GRID2: variants seen among roughly 807,000 people sequenced by gnomAD.
The protein encoded by GRID2 is glutamate ionotropic receptor delta type subunit 2, also known as glutamate receptor ionotropic, delta-2.
Under a neutral mutation model 114.8 loss-of-function variants are expected in GRID2, and 33 were observed. The observed-to-expected ratio is 0.29, with a 90% CI of 0.22 to 0.38. The LOEUF (loss-of-function observed/expected upper bound fraction) is 0.38. GRID2 is among the 10% of genes least tolerant of loss of function. GRID2 has a pLI of 1.00. For synonymous variants in GRID2, 505 were observed against 449.9 expected (o/e 1.12, Z -1.55); for missense variants, 1,184 against 1,257.7 (o/e 0.94, Z 0.89).
At chr4:93,459,046 G>T (rs1268960424) in intron 11 of GRID2, among the ~76,000 whole-genome samples, 4 of 151,936 alleles carry the variant, frequency 2.6e-5, no homozygotes, top group Non-Finnish European at 5.9e-5. Context: ...CAGGCATGGT[G>T]GTGGGCGCCT....
At position 92,615,213 on chromosome 4, in the gene GRID2, T is replaced by TG. The variant is rs1158335398; in HGVS notation, c.244+24931dup. Among the ~76,000 whole-genome samples, 7 of 151,334 alleles carry TG rather than the reference T, an allele frequency of 4.6e-5. No homozygotes were observed. The East Asian group carries it at 5.9e-4, about 13-fold the overall frequency. The stretch of plus-strand genomic sequence containing the variant: ...GGTCTTTCTTTGATACATACCGAGG[T>TG]GGGGTGGGGCAGGGAGAAACACAAA... On this transcript the variant is annotated intron_variant, in intron 2 of 15. Transcript: ENST00000282020.
chr4:93,376,598 G>A (rs1308351415), intron 8 of GRID2, among the ~76,000 whole-genome samples: 4 of 152,118 alleles, frequency 2.6e-5, no homozygotes, highest in Non-Finnish European at 5.9e-5. Flanking sequence ...ATACTGACTG[G>A]TTATTTGATG....
chr4:92,975,552 G>C (rs1753818765), intron 2 of GRID2, among the ~76,000 whole-genome samples: 1 of 152,008 alleles, frequency 6.6e-6, no homozygotes, highest in African/African-American at 2.4e-5. Context: ...ATCATTACTT[G>C]AATTAAACTA....
chr4:93,245,156 C>A (rs962317662), intron 8 of GRID2, among the ~76,000 whole-genome samples: 4 of 151,966 alleles, frequency 2.6e-5, no homozygotes, highest in African/African-American at 9.7e-5. Context: ...CTTCATGAGA[C>A]AAGAACTATG....
intron 2 of GRID2, among the ~76,000 whole-genome samples, chr4:92,600,044 G>GTGTGTGTA (rs1206780169): frequency 7.3e-5 from 4 of 54,432 alleles, no homozygotes; most frequent in Admixed American, 2.6e-4. Context: ...GTGTGTGTGT[G>GTGTGTGTA]TATATATATA....
At chr4:93,364,131 T>C (rs1266892214) in intron 8 of GRID2, among the ~76,000 whole-genome samples, 1 of 152,118 alleles carries the variant, frequency 6.6e-6, no homozygotes, top group Non-Finnish European at 1.5e-5. Context: ...TGAAGACATA[T>C]ATACATTTTC....
chr4:92,733,969 A>T (rs967580409), intron 2 of GRID2, among the ~76,000 whole-genome samples: 1 of 152,054 alleles, frequency 6.6e-6, no homozygotes, highest in Non-Finnish European at 1.5e-5. Flanking sequence ...ACTTCCAATT[A>T]TGTGTGAAAG....
intron 8 of GRID2, among the ~76,000 whole-genome samples, chr4:93,261,322 A>G (rs1750231528): frequency 6.6e-6 from 1 of 151,886 alleles, no homozygotes; most frequent in Non-Finnish European, 1.5e-5. Context: ...GGAACTGTCA[A>G]AAGACATACA....
chr4:93,633,904 A>G (rs1286087626), intron 14 of GRID2, among the ~76,000 whole-genome samples: 1 of 152,156 alleles, frequency 6.6e-6, no homozygotes, highest in Non-Finnish European at 1.5e-5. Flanking sequence ...AGCAAGGGGA[A>G]AAAAGCAGCC....
intron 8 of GRID2, among the ~76,000 whole-genome samples, chr4:93,367,695 G>A (rs998880674): frequency 3.3e-5 from 5 of 152,098 alleles, no homozygotes; most frequent in Admixed American, 2.0e-4. Flanking sequence ...AGACAATGTC[G>A]TGTGAAATTT....
intron 2 of GRID2, among the ~76,000 whole-genome samples, chr4:92,803,993 A>C (rs1740293884): frequency 6.6e-6 from 1 of 151,648 alleles, no homozygotes; most frequent in Non-Finnish European, 1.5e-5. Context: ...GCATCACTTC[A>C]GTCTGGGCTT....
intron 2 of GRID2, among the ~76,000 whole-genome samples, chr4:92,925,502 A>T (rs900463346): frequency 1.3e-5 from 2 of 152,046 alleles, no homozygotes; most frequent in African/African-American, 4.8e-5. Context: ...TCCACAAACA[A>T]ATACAAGGCA....
At chr4:93,284,845 G>T (rs913968338) in intron 8 of GRID2, among the ~76,000 whole-genome samples, 1 of 151,846 alleles carries the variant, frequency 6.6e-6, no homozygotes, top group Non-Finnish European at 1.5e-5. Context: ...GCGAGACTTG[G>T]TTCCTTCAAA....
At chr4:92,714,670 A>G (rs1735444364) in intron 2 of GRID2, among the ~76,000 whole-genome samples, 2 of 152,160 alleles carry the variant, frequency 1.3e-5, no homozygotes, top group African/African-American at 4.8e-5. Context: ...CACAGGCTCA[A>G]TGCCACATGG....
At chr4:92,725,444 A>C (rs895738855) in intron 2 of GRID2, among the ~76,000 whole-genome samples, 2 of 152,198 alleles carry the variant, frequency 1.3e-5, no homozygotes, top group Non-Finnish European at 2.9e-5. Context: ...AAGTTGGATT[A>C]AACTGTAAAT....
At chr4:92,453,291 A>G (rs1331090215) in intron 1 of GRID2, among the ~76,000 whole-genome samples, 1 of 152,094 alleles carries the variant, frequency 6.6e-6, no homozygotes, top group African/African-American at 2.4e-5. Context: ...TTTTTAAAAT[A>G]TTTTGGCCAG....
chr4:93,623,124 A>T (rs866595525), intron 13 of GRID2, among the ~76,000 whole-genome samples: 19 of 151,942 alleles, frequency 1.3e-4, no homozygotes, highest in Admixed American at 3.3e-4. Context: ...TTTTAAAGAG[A>T]GGTAAAAGTT....
intron 1 of GRID2, among the ~76,000 whole-genome samples, chr4:92,513,734 G>C (rs1026170051): frequency 2.0e-5 from 3 of 151,808 alleles, no homozygotes; most frequent in African/African-American, 7.2e-5. Flanking sequence ...CCTCTTCCTT[G>C]CATAGTGCTG....
chr4:93,770,664 A>C (rs1027281055), intron 15 of GRID2, among the ~76,000 whole-genome samples: 10 of 152,190 alleles, frequency 6.6e-5, no homozygotes, highest in African/African-American at 1.9e-4. Flanking sequence ...TTTGTGGAAT[A>C]AGCTTCTGGT....
Sources: gnomAD v4.1 joint callset for allele counts (sites outside exome capture counted in the v4.1 genomes callset) on GRCh38, gnomAD v4.1.1 for gene constraint, MANE v1.5 for transcripts, NCBI Gene and HGNC (gene_info 2026-07-23, HGNC 2026-07-21) for gene names.